The following PKNOX2 variants were observed in gnomAD, a reference collection of about 807,000 sequenced individuals.
The protein encoded by PKNOX2 is homeobox protein PKNOX2.
PKNOX2 carries 14 observed loss-of-function variants against 53.1 expected under a neutral mutation model. The ratio of observed to expected loss-of-function variants is 0.26; its 90% CI spans 0.17 to 0.41. PKNOX2 has a LOEUF of 0.41. PKNOX2 is among the 10% of genes least tolerant of loss of function. PKNOX2 has a pLI of 1.00. For synonymous variants in PKNOX2, 257 were observed against 242.8 expected (o/e 1.06, Z -0.54); for missense variants, 496 against 602.8 (o/e 0.82, Z 1.85).
intron 2 of PKNOX2, among the ~76,000 whole-genome samples, chr11:125,253,388 G>C (rs898425348): frequency 2.6e-5 from 4 of 152,220 alleles, no homozygotes; most frequent in African/African-American, 9.6e-5. Context: ...ATGAAAGAAG[G>C]AAGGAGAGAG....
rs535160688 is a variant in PKNOX2, at chr11:125,383,799, G to T, written c.228-1752G>T. Among the ~76,000 whole-genome samples the T allele has an allele frequency of 3.9e-5, 6 of 152,276 alleles. No individual in the cohort carries two copies. In the South Asian group the frequency reaches 1.2e-3, roughly 32 times the overall value. On this transcript the variant is annotated intron_variant, in intron 5 of 12. Transcript: ENST00000298282. ...GCTGCCATATGGGGCAGTGGAGATT[G>T]CAGAACATTCCCACCATTGCAGAAA... is the stretch of plus-strand genomic sequence containing the variant.
At chr11:125,287,409 G>A (rs922749103) in intron 2 of PKNOX2, among the ~76,000 whole-genome samples, 7 of 152,228 alleles carry the variant, frequency 4.6e-5, no homozygotes, top group Non-Finnish European at 8.8e-5. Context: ...CCCCTTCACA[G>A]AGCCACAGTG....
chr11:125,303,420 G>GC (rs1007847806), intron 2 of PKNOX2, among the ~76,000 whole-genome samples: 17 of 152,118 alleles, frequency 1.1e-4, no homozygotes, highest in East Asian at 1.9e-4. Flanking sequence ...CACAGCCCCA[G>GC]CCCCCCTGCC....
At chr11:125,199,855 AAAAC>A (rs989465430) in intron 1 of PKNOX2, among the ~76,000 whole-genome samples, 8 of 152,368 alleles carry the variant, frequency 5.3e-5, no homozygotes, top group African/African-American at 1.4e-4. Context: ...TCAAAAATAC[AAAAC>A]AAACAAACAA....
chr11:125,416,302 CAAAAAAAAA>C (rs61354494), intron 10 of PKNOX2, among the ~76,000 whole-genome samples: 18 of 70,458 alleles, frequency 2.6e-4, no homozygotes, highest in Middle Eastern at 8.3e-3. Flanking sequence ...GACGCCGTCT[CAAAAAAAAA>C]AAAAAAAAAA....
chr11:125,359,432 T>G (rs1436357010), intron 4 of PKNOX2, among the ~76,000 whole-genome samples: 1 of 152,188 alleles, frequency 6.6e-6, no homozygotes, highest in East Asian at 1.9e-4. Flanking sequence ...TTGTGCACCT[T>G]GACCGCTCTC....
chr11:125,191,506 TG>T (rs1269003494), intron 1 of PKNOX2: 1 of 152,062 alleles, frequency 6.6e-6, no homozygotes, highest in African/African-American at 2.4e-5. Flanking sequence ...TCTAAGAAAG[TG>T]GTGGGGGTGG....
At chr11:125,285,791 C>A (rs1946858812) in intron 2 of PKNOX2, among the ~76,000 whole-genome samples, 1 of 152,214 alleles carries the variant, frequency 6.6e-6, no homozygotes, top group South Asian at 2.1e-4. Context: ...TAAATAAATT[C>A]TATTAAAAAC....
intron 10 of PKNOX2, among the ~76,000 whole-genome samples, chr11:125,426,997 C>T (rs986717526): frequency 1.3e-5 from 2 of 152,180 alleles, no homozygotes; most frequent in Non-Finnish European, 2.9e-5. Flanking sequence ...CCAGCACGTG[C>T]GAAGGCATGG....
intron 5 of PKNOX2, among the ~76,000 whole-genome samples, chr11:125,372,419 G>C (rs1952609892): frequency 6.6e-6 from 1 of 152,222 alleles, no homozygotes; most frequent in African/African-American, 2.4e-5. Context: ...TTAGAATGGT[G>C]TTACTGATAC....
intron 5 of PKNOX2, 138 bp from the exon 6 acceptor site, chr11:125,385,413 G>A: frequency 1.0e-6 from 1 of 953,018 alleles, no homozygotes; most frequent in Non-Finnish European, 1.5e-6. Flanking sequence ...TTGACCATAG[G>A]GACTGGGGAT....
At chr11:125,289,811 G>A (rs548330224) in intron 2 of PKNOX2, among the ~76,000 whole-genome samples, 8 of 152,262 alleles carry the variant, frequency 5.3e-5, no homozygotes, top group African/African-American at 1.7e-4. Flanking sequence ...CTCACCACTG[G>A]CGTGTCACTC....
intron 2 of PKNOX2, among the ~76,000 whole-genome samples, chr11:125,252,383 G>T (rs1944070295): frequency 6.6e-6 from 1 of 152,134 alleles, no homozygotes; most frequent in African/African-American, 2.4e-5. Flanking sequence ...TCTGTGTTTT[G>T]GAAAGGTGGC....
chr11:125,208,592 A>G lies in PKNOX2; in HGVS notation c.-200-26453A>G, dbSNP rs1050594598. On this transcript the variant is annotated intron_variant, in intron 1 of 12. Coordinates refer to ENST00000298282, the MANE Select transcript of PKNOX2 (RefSeq NM_001382323.2). Reference sequence around the variant, plus strand: ...GTTGGTAATGGGACAGGAGAAAGTGAATATGAGAGACGTATGTGGAAATTG... The same window carrying G: ...GTTGGTAATGGGACAGGAGAAAGTGGATATGAGAGACGTATGTGGAAATTG... Among the ~76,000 whole-genome samples the G allele has an allele frequency of 5.9e-5, 9 of 152,072 alleles. 1 individual carries two copies. Among genetic ancestry groups the G allele is most frequent in the Non-Finnish European group, 1.2e-4 (8 of 67,972 alleles).
At chr11:125,178,970 T>C (rs949543463) in intron 1 of PKNOX2, among the ~76,000 whole-genome samples, 3 of 151,972 alleles carry the variant, frequency 2.0e-5, no homozygotes, top group African/African-American at 7.3e-5. Context: ...AAGTGCACGG[T>C]GTGGTGTCGG....
chr11:125,348,471 G>A (rs549509207), intron 3 of PKNOX2, among the ~76,000 whole-genome samples: 1 of 152,380 alleles, frequency 6.6e-6, no homozygotes, highest in Non-Finnish European at 1.5e-5. Context: ...CAAGGAGGGG[G>A]AGGGGCCAGG....
chr11:125,257,060 T>G (rs1944458815), intron 2 of PKNOX2, among the ~76,000 whole-genome samples: 1 of 152,166 alleles, frequency 6.6e-6, no homozygotes, highest in African/African-American at 2.4e-5. Context: ...CATTCTTCAT[T>G]ATGCTTCAGT....
rs1459889300 is a variant in PKNOX2 at position 125,411,467 on chromosome 11, T to TCG, written c.817-278_817-277insGC. On this transcript the variant is annotated intron_variant, in intron 9 of 12. Transcript: ENST00000298282. ...TGGCCCTGTTTCCTCTGTCTTTCTCTCTCTCTCTCTCTCTCTCTCTCTCTC... is the reference window on the plus strand; with the variant it reads ...TGGCCCTGTTTCCTCTGTCTTTCTCTCGCTCTCTCTCTCTCTCTCTCTCTCTC... The TCG allele has an allele frequency of 8.9e-6, 2 of 224,396 alleles. 1 individual carries two copies. The allele number at this position is 224,396 out of a possible 1,614,324, so 13.9% of individuals were successfully genotyped here.
At chr11:125,416,232 G>A (rs1396868831) in intron 10 of PKNOX2, among the ~76,000 whole-genome samples, 4 of 149,388 alleles carry the variant, frequency 2.7e-5, no homozygotes, top group African/African-American at 1.0e-4. Flanking sequence ...GAACCCGGGA[G>A]GCGGAGCTTG....
Sources: gnomAD v4.1 joint callset for allele counts (sites outside exome capture counted in the v4.1 genomes callset) on GRCh38, gnomAD v4.1.1 for gene constraint, MANE v1.5 for transcripts, NCBI Gene and HGNC (gene_info 2026-07-23, HGNC 2026-07-21) for gene names.